The following MTAP variants were observed in gnomAD, a reference collection of about 807,000 sequenced individuals.
MTAP encodes S-methyl-5'-thioadenosine phosphorylase.
In MTAP, 33 loss-of-function variants were observed where a neutral mutation model predicts 33.6. That is an observed-to-expected ratio of 0.98 (90% CI 0.74 to 1.31). The LOEUF (loss-of-function observed/expected upper bound fraction) is 1.31, where lower values mean the gene tolerates loss of function less well. MTAP is among the 40% of genes most tolerant of loss of function. MTAP has a pLI of 0.00. For synonymous variants in MTAP, 148 were observed against 125.7 expected (o/e 1.18, Z -1.19); for missense variants, 367 against 360.0 (o/e 1.02, Z -0.16).
intron 1 of MTAP, among the ~76,000 whole-genome samples, chr9:21,873,743 A>G (rs1281780813): frequency 6.6e-6 from 1 of 152,016 alleles, no homozygotes; most frequent in East Asian, 1.9e-4. Context: ...TCAATCAGCA[A>G]TTTAAAAGGA....
chr9:21,850,001 C>T (rs958495707), intron 5 of MTAP, among the ~76,000 whole-genome samples: 2 of 152,238 alleles, frequency 1.3e-5, no homozygotes, highest in African/African-American at 4.8e-5. Context: ...ACTGTCCTAC[C>T]TCAAGGGTAT....
At position 21,865,630 on chromosome 9, in the gene MTAP, G is replaced by A. The variant is rs1274135442; in HGVS notation, c.*3616G>A. The A allele has an allele frequency of 5.1e-6, 5 of 989,338 alleles. No homozygotes were observed. The highest frequency in any genetic ancestry group is 6.0e-6 in the Non-Finnish European group (5 of 831,906). The allele number at this position is 989,338 out of a possible 1,614,324, so 61.3% of individuals were successfully genotyped here. A position where few individuals can be genotyped will look rare whatever the true frequency, so the allele number is the denominator to read the frequency against. ...AGGACAGCAGTAAATGAAGACCATG[G>A]AAGAAAAGAAGGAATGCCAAAGATC... On this transcript the variant is annotated 3_prime_UTR_variant, in exon 8 of 8. Coordinates refer to ENST00000644715, the MANE Select transcript of MTAP (RefSeq NM_002451.4).
intron 1 of MTAP, among the ~76,000 whole-genome samples, chr9:21,891,863 A>G (rs1472646313): frequency 6.6e-6 from 1 of 152,182 alleles, no homozygotes; most frequent in African/African-American, 2.4e-5. Context: ...AAAAATACTA[A>G]AAGCAGCTAG....
intron 1 of MTAP, among the ~76,000 whole-genome samples, chr9:21,883,168 C>G (rs1333866250): frequency 6.7e-6 from 1 of 149,754 alleles, no homozygotes; most frequent in Non-Finnish European, 1.5e-5. Context: ...CCAAAAACAC[C>G]CTAACAAATC....
At chr9:21,920,033 C>T (rs537281704) in intron 1 of MTAP, among the ~76,000 whole-genome samples, 1 of 150,958 alleles carries the variant, frequency 6.6e-6, no homozygotes, top group East Asian at 1.9e-4. Context: ...TATGATATTA[C>T]ATTAGGATTA....
chr9:21,925,354 G>A (rs1818852072), intron 1 of MTAP, among the ~76,000 whole-genome samples: 1 of 152,118 alleles, frequency 6.6e-6, no homozygotes, highest in Non-Finnish European at 1.5e-5. Context: ...ATATTTGGAG[G>A]AAACTCTAAA....
At chr9:21,878,790 T>A (rs746123015) in intron 1 of MTAP, among the ~76,000 whole-genome samples, 1 of 152,232 alleles carries the variant, frequency 6.6e-6, no homozygotes, top group African/African-American at 2.4e-5. Context: ...ACTTCTTGAT[T>A]TCTGCCTTAA....
At chr9:21,898,234 A>C (rs1818330084) in intron 1 of MTAP, among the ~76,000 whole-genome samples, 1 of 152,218 alleles carries the variant, frequency 6.6e-6, no homozygotes, top group South Asian at 2.1e-4. Context: ...AATTAATTCA[A>C]GGTGGATTAA....
At chr9:21,940,900 C>G, downstream of MTAP, 1 of 518,544 alleles carries the variant, frequency 1.9e-6, no homozygotes, top group Non-Finnish European at 2.5e-6. Context: ...ATCTTTACTG[C>G]CTTTCTTCCC....
At chr9:21,882,334 A>G (rs965379469) in intron 1 of MTAP, among the ~76,000 whole-genome samples, 20 of 152,048 alleles carry the variant, frequency 1.3e-4, no homozygotes, top group African/African-American at 4.6e-4. Flanking sequence ...TGTTAGGATT[A>G]GGTGAGTTTT....
intron 7 of MTAP, 70 bp from the exon 8 acceptor site, chr9:21,861,903 GTTT>G: frequency 1.3e-6 from 1 of 748,276 alleles, no homozygotes; most frequent in Admixed American, 2.2e-5. Flanking sequence ...ATCAAAATCT[GTTT>G]TTTTTTTTAA....
At chr9:21,912,970 G>A (rs1818605910) in intron 1 of MTAP, among the ~76,000 whole-genome samples, 1 of 152,126 alleles carries the variant, frequency 6.6e-6, no homozygotes, top group African/African-American at 2.4e-5. Context: ...AAAATCACAA[G>A]CATTCTTATA....
chr9:21,886,169 T>C (rs897035586), intron 1 of MTAP, among the ~76,000 whole-genome samples: 41 of 151,998 alleles, frequency 2.7e-4, no homozygotes, highest in Non-Finnish European at 1.5e-5. Flanking sequence ...TAAGGTCGTA[T>C]CACGTTGTGG....
intron 5 of MTAP, among the ~76,000 whole-genome samples, chr9:21,849,557 G>A (rs1336226995): frequency 6.6e-6 from 1 of 152,160 alleles, no homozygotes; most frequent in African/African-American, 2.4e-5. Context: ...CTCCCTGACT[G>A]GTAAAGTGAT....
chr9:21,807,469 A>G (rs1469958549), intron 1 of MTAP, among the ~76,000 whole-genome samples: 1 of 152,196 alleles, frequency 6.6e-6, no homozygotes, highest in Non-Finnish European at 1.5e-5. Flanking sequence ...TAGGGACACA[A>G]GGGCATTTTG....
chr9:21,863,754 T>A lies in MTAP; in HGVS notation c.*1740T>A, dbSNP rs1825801682. 1 of 985,770 alleles carries A rather than the reference T, an allele frequency of 1.0e-6. No homozygotes were observed. Among genetic ancestry groups the A allele is most frequent in the African/African-American group, 1.7e-5 (1 of 57,240 alleles). The allele number at this position is 985,770 out of a possible 1,614,324, so 61.1% of individuals were successfully genotyped here. A position where few individuals can be genotyped will look rare whatever the true frequency, so the allele number is the denominator to read the frequency against. ...TACTTCAGGATCAAGATACAGAACC[T>A]TTTATTTAAAGAGTTTGTAAAGTCA... On this transcript the variant is annotated 3_prime_UTR_variant, in exon 8 of 8. Transcript: ENST00000644715.
At chr9:21,912,360 G>A (rs1475725598) in intron 1 of MTAP, among the ~76,000 whole-genome samples, 1 of 152,158 alleles carries the variant, frequency 6.6e-6, no homozygotes, top group Non-Finnish European at 1.5e-5. Flanking sequence ...TATTCCTGGT[G>A]AACATCGATG....
At chr9:21,821,359 C>T (rs1031169318) in intron 4 of MTAP, among the ~76,000 whole-genome samples, 17 of 152,180 alleles carry the variant, frequency 1.1e-4, no homozygotes, top group African/African-American at 4.1e-4. Flanking sequence ...TGTCAAAGGC[C>T]TATTCTGCAT....
chr9:21,830,524 G>A (rs1045582484), intron 4 of MTAP, among the ~76,000 whole-genome samples: 2 of 152,202 alleles, frequency 1.3e-5, no homozygotes, highest in African/African-American at 4.8e-5. Flanking sequence ...CTTCTTTGCA[G>A]CGATTAAACA....
Sources: allele counts gnomAD v4.1 joint callset (sites outside exome capture counted in the v4.1 genomes callset), GRCh38; gene constraint gnomAD v4.1.1; transcripts MANE v1.5; gene names NCBI Gene and HGNC (gene_info 2026-07-23, HGNC 2026-07-21).